PCDH15: variants seen among roughly 807,000 people sequenced by gnomAD.
The protein encoded by PCDH15 is protocadherin-15.
A neutral mutation model predicts 178.5 loss-of-function variants in PCDH15; 129 were observed. The ratio of observed to expected loss-of-function variants is 0.72; its 90% CI spans 0.63 to 0.84. PCDH15 has a LOEUF of 0.84. PCDH15 is among the 40% of genes least tolerant of loss of function. PCDH15 has a pLI of 0.00. For synonymous variants in PCDH15, 800 were observed against 732.0 expected (o/e 1.09, Z -1.50); for missense variants, 2,230 against 2,099.9 (o/e 1.06, Z -1.21).
intron 1 of PCDH15, among the ~76,000 whole-genome samples, chr10:55,251,667 A>T (rs1841840430): frequency 6.6e-6 from 1 of 152,214 alleles, no homozygotes; most frequent in Admixed American, 6.5e-5. Flanking sequence ...CTGTGAACAT[A>T]GTTTAAATTC....
intron 2 of PCDH15, among the ~76,000 whole-genome samples, chr10:55,454,448 C>A (rs2132084792): frequency 6.6e-6 from 1 of 151,904 alleles, no homozygotes; most frequent in Non-Finnish European, 1.5e-5. Context: ...ATGTAATTGC[C>A]TTTTTGAGTT....
intron 2 of PCDH15, among the ~76,000 whole-genome samples, chr10:54,558,313 T>C (rs551837238): frequency 2.6e-5 from 4 of 152,148 alleles, no homozygotes; most frequent in Non-Finnish European, 5.9e-5. Flanking sequence ...TATTATTTTC[T>C]TCAGGAAATT....
chr10:55,374,173 G>A (rs775528247), intron 2 of PCDH15, among the ~76,000 whole-genome samples: 1 of 151,904 alleles, frequency 6.6e-6, no homozygotes, highest in Non-Finnish European at 1.5e-5. Context: ...GATACAGTCT[G>A]TGCTGGACTT....
chr10:53,959,566 C>A (rs1394875258), intron 23 of PCDH15, among the ~76,000 whole-genome samples, 166 bp downstream of exon 23: 1 of 152,086 alleles, frequency 6.6e-6, no homozygotes, highest in East Asian at 1.9e-4. Context: ...ACTAAATTGT[C>A]ATATTAACCA....
At chr10:53,926,405 T>G (rs1197459460) in intron 25 of PCDH15, among the ~76,000 whole-genome samples, 3 of 152,210 alleles carry the variant, frequency 2.0e-5, no homozygotes, top group Non-Finnish European at 4.4e-5. Flanking sequence ...GATATCTTAA[T>G]TAAGTAGGTT....
chr10:54,740,572 T>C (rs1185347366), intron 1 of PCDH15, among the ~76,000 whole-genome samples: 1 of 151,778 alleles, frequency 6.6e-6, no homozygotes, highest in African/African-American at 2.4e-5. Flanking sequence ...AAATCTGCAG[T>C]CTCGTGTTAA....
In PCDH15 at chr10:54,612,630, T is replaced by C. The variant is rs539852002; in HGVS notation, c.91+51542A>G. On this transcript the variant is annotated intron_variant, in intron 2 of 37. Transcript: ENST00000644397. ...AATATATTGTGTGTGGCTCTTTTTA[T>C]ATTCTAAACTATGTTATAAAAATTT... 4.0e-5 allele frequency among the ~76,000 whole-genome samples: 6 copies of C among 151,892 alleles called. No individual in the cohort carries two copies. In the South Asian group the frequency reaches 1.2e-3, roughly 31 times the overall value.
intron 25 of PCDH15, among the ~76,000 whole-genome samples, chr10:53,923,089 AAAAAC>A (rs745768349): frequency 1.7e-4 from 26 of 152,172 alleles, no homozygotes; most frequent in African/African-American, 2.7e-4. Context: ...TCCGTCTCAA[AAAAAC>A]AAAACAAAAC....
At chr10:54,393,068 A>C (rs1227614339) in intron 3 of PCDH15, among the ~76,000 whole-genome samples, 1 of 152,108 alleles carries the variant, frequency 6.6e-6, no homozygotes, top group African/African-American at 2.4e-5. Flanking sequence ...GCTAATTTCC[A>C]TCTGAATTTA....
At chr10:55,420,623 A>T (rs7912556) in intron 2 of PCDH15, among the ~76,000 whole-genome samples, 41,001 of 151,482 alleles carry the variant, frequency 0.27, 6,795 homozygotes, top group African/African-American at 0.47. Context: ...GGAACAGGAA[A>T]TATAACCCAA....
At chr10:54,828,736 A>G (rs1326966854) in intron 3 of PCDH15, among the ~76,000 whole-genome samples, 1 of 152,088 alleles carries the variant, frequency 6.6e-6, no homozygotes, top group Non-Finnish European at 1.5e-5. Context: ...ACATGACAAC[A>G]TATTCAAATT....
rs755887714 is a variant in PCDH15 at position 54,189,355 on chromosome 10, A to G, written c.1306-4087T>C. 3.2e-6 allele frequency: 5 copies of G among 1,572,314 alleles called. No individual in the cohort carries two copies. The Admixed American group carries it at 9.0e-5, about 28-fold the overall frequency. On this transcript the variant is annotated intron_variant, in intron 11 of 37. Coordinates refer to ENST00000644397, the MANE Select transcript of PCDH15 (RefSeq NM_001384140.1). ...AAGAACAATCACAAGCTTAACACCT[A>G]GTACCTACAGGAACTCCACTGGGTG...
chr10:54,136,302 A>C (rs533612258), intron 14 of PCDH15, among the ~76,000 whole-genome samples: 2 of 152,198 alleles, frequency 1.3e-5, no homozygotes, highest in Non-Finnish European at 2.9e-5. Context: ...ATGTAGACTC[A>C]CCTGTTTTTT....
intron 6 of PCDH15, among the ~76,000 whole-genome samples, chr10:54,331,963 A>C (rs1183001783): frequency 6.6e-6 from 1 of 151,740 alleles, no homozygotes; most frequent in Non-Finnish European, 1.5e-5. Context: ...GATAGAGAGA[A>C]GCTAAAAATC....
chr10:54,938,907 T>C (rs778590075), intron 2 of PCDH15, among the ~76,000 whole-genome samples: 11 of 152,250 alleles, frequency 7.2e-5, no homozygotes, highest in Admixed American at 4.6e-4. Flanking sequence ...AAGCAAAGGA[T>C]TGTGGCTAGC....
rs183350423 is a variant in PCDH15 at position 55,614,919 on chromosome 10, A to C, written c.-156+12706T>G. Among the ~76,000 whole-genome samples the C allele has an allele frequency of 4.1e-3, 617 of 152,296 alleles. 2 individuals are homozygous for C. The highest frequency in any genetic ancestry group is 6.6e-3 in the Non-Finnish European group (448 of 67,990). ...AATACACAAAATGTTCTACACAAAT[A>C]ACAGCAAATTGTTTATTTCTAAGAA... On this transcript the variant is annotated intron_variant, in intron 2 of 5. Transcript: ENST00000613346.
chr10:55,439,956 T>G (rs1354931754), intron 2 of PCDH15, among the ~76,000 whole-genome samples: 1 of 152,118 alleles, frequency 6.6e-6, no homozygotes, highest in Non-Finnish European at 1.5e-5. Context: ...TAATACAAAG[T>G]GTATAGAAGA....
intron 3 of PCDH15, among the ~76,000 whole-genome samples, chr10:54,496,626 T>C (rs569663525): frequency 6.6e-6 from 1 of 152,290 alleles, no homozygotes; most frequent in South Asian, 2.1e-4. Context: ...ATACCAATTG[T>C]GATAGGATGC....
At chr10:53,948,115 A>C (rs1010816919) in intron 23 of PCDH15, among the ~76,000 whole-genome samples, 28 of 152,108 alleles carry the variant, frequency 1.8e-4, no homozygotes, top group Non-Finnish European at 4.4e-5. Flanking sequence ...ATATACATTC[A>C]GTATGCTCCT....
Sources: allele counts gnomAD v4.1 joint callset (sites outside exome capture counted in the v4.1 genomes callset), GRCh38; gene constraint gnomAD v4.1.1; transcripts MANE v1.5; gene names NCBI Gene and HGNC (gene_info 2026-07-23, HGNC 2026-07-21).